The following ZNF285 variants were observed in gnomAD, a reference collection of about 807,000 sequenced individuals.
The protein encoded by ZNF285 is zinc finger protein 285A.
ZNF285 carries 4 observed loss-of-function variants against 6.2 expected under a neutral mutation model. The observed-to-expected ratio is 0.65, with a 90% CI of 0.32 to 1.49. The LOEUF is 1.49. Ranked by LOEUF, ZNF285 falls within the 40% of genes most tolerant of loss-of-function variation. The probability of loss-of-function intolerance (pLI) is 0.07; values close to 1 mark genes in which losing one functional copy is unlikely to be tolerated. For synonymous variants in ZNF285, 240 were observed against 245.8 expected, an observed-to-expected ratio of 0.98 and a Z score of 0.22; for missense variants, 695 against 708.8, an observed-to-expected ratio of 0.98 and a Z score of 0.22.
chr19:44,383,484 A>ATTTATGACAACTTCGTTGTC lies in ZNF285; in HGVS notation c.*2987_*2988insGACAACGAAGTTGTCATAAA, dbSNP rs762377862. The ATTTATGACAACTTCGTTGTC allele has an allele frequency of 1.3e-5, 2 of 152,166 alleles. No homozygotes were observed. Among genetic ancestry groups the ATTTATGACAACTTCGTTGTC allele is most frequent in the Non-Finnish European group, 2.9e-5 (2 of 68,040 alleles). 9.4% of individuals were successfully genotyped at this position (152,166 alleles called of 1,614,324 possible). A position where few individuals can be genotyped will look rare whatever the true frequency, so the allele number is the denominator to read the frequency against. ...GAACTTCGTTGTCTCATCTATGACC[A>ATTTATGACAACTTCGTTGTC]TCATAAAACAGCCAGGCCCAGATGA... is the stretch of plus-strand genomic sequence containing the variant. On this transcript the variant is annotated 3_prime_UTR_variant, in exon 4 of 4. Coordinates refer to ENST00000614994, the MANE Select transcript of ZNF285 (RefSeq NM_152354.6).
rs4479362 is a variant in ZNF285, at chr19:44,392,321, C to T, written c.142+19G>A. On this transcript the variant is annotated intron_variant, in intron 3 of 3. Coordinates refer to ENST00000614994, the MANE Select transcript of ZNF285 (RefSeq NM_152354.6). ...GATTTGAGGAAACAGGTCCAGTGGT[C>T]TCATGCTCAGTTACTCACTCACTAA... The T allele has an allele frequency of 3.7e-6, 6 of 1,613,610 alleles. No individual in the cohort carries two copies. The African/African-American group carries it at 5.3e-5, about 14-fold the overall frequency.
rs1382499546 is a variant in ZNF285 at position 44,386,893 on chromosome 19, G to A, written c.1352C>T (p.Thr451Ile). Reference protein sequence around the residue: ...THLHIHQRVHTGEKPYKCNVC... With the variant: ...THLHIHQRVHIGEKPYKCNVC... Reference sequence around the variant, plus strand: ...ATTGCATTTGTATGGTTTCTCCCCTGTGTGGACTCTCTGGTGAATGTGAAG... The same window carrying A: ...ATTGCATTTGTATGGTTTCTCCCCTATGTGGACTCTCTGGTGAATGTGAAG... The change falls in exon 4 of 4, where the codon ACA becomes ATA. Residue 451 changes from threonine (T) to isoleucine (I), a missense_variant. Transcript: ENST00000614994. The A allele has an allele frequency of 2.5e-6, 4 of 1,614,054 alleles. No individual in the cohort carries two copies. Among genetic ancestry groups the A allele is most frequent in the African/African-American group, 2.7e-5 (2 of 74,934 alleles).
intron 2 of ZNF285, among the ~76,000 whole-genome samples, chr19:44,393,639 C>T (rs1265688934): frequency 5.3e-5 from 8 of 152,244 alleles, no homozygotes; most frequent in Non-Finnish European, 8.8e-5. Context: ...AATTAGATCC[C>T]ATTTGTCAAT....
chr19:44,392,083 G>A, intron 3 of ZNF285: 1 of 1,041,710 alleles, frequency 9.6e-7, no homozygotes, highest in South Asian at 2.9e-5. Context: ...AGTAGGGGAG[G>A]GAGGGCTTAC....
intron 1 of ZNF285, 50 bp from the exon 2 acceptor site, chr19:44,397,306 T>C: frequency 6.3e-7 from 1 of 1,585,336 alleles, no homozygotes; most frequent in Non-Finnish European, 8.7e-7. Context: ...AAGTTGTGAA[T>C]GAACATTGGT....
At chr19:44,391,877 CAGTA>C (rs1272221993) in intron 3 of ZNF285, among the ~76,000 whole-genome samples, 2 of 152,060 alleles carry the variant, frequency 1.3e-5, no homozygotes, top group African/African-American at 4.8e-5. Context: ...TACTACATAC[CAGTA>C]AGTGTTGGCT....
chr19:44,389,507 C>A lies in ZNF285; in HGVS notation c.143-1405G>T, dbSNP rs1971156793. 1.3e-5 allele frequency among the ~76,000 whole-genome samples: 2 copies of A among 152,180 alleles called. 1 individual carries two copies. The highest frequency in any genetic ancestry group is 4.8e-5 in the African/African-American group (2 of 41,418). ...AGCATTATGACTCAGTAGGAATAGG[C>A]ACGAACATCAACAGAGACTGCTCAC... On this transcript the variant is annotated intron_variant, in intron 3 of 3. Coordinates refer to ENST00000614994, the MANE Select transcript of ZNF285 (RefSeq NM_152354.6).
At chr19:44,398,216 C>T (rs1031917007) in intron 1 of ZNF285, among the ~76,000 whole-genome samples, 7 of 152,112 alleles carry the variant, frequency 4.6e-5, no homozygotes, top group African/African-American at 1.7e-4. Flanking sequence ...TCATGGTATA[C>T]TGAACTACAC....
chr19:44,392,114 A>C, intron 3 of ZNF285: 2 of 1,348,684 alleles, frequency 1.5e-6, no homozygotes, highest in Non-Finnish European at 1.9e-6. Context: ...GAATGCCCAC[A>C]GGCCAGGGGT....
chr19:44,400,359 CG>C (rs1399868654), intron 1 of ZNF285, among the ~76,000 whole-genome samples: 1 of 151,462 alleles, frequency 6.6e-6, no homozygotes, highest in Non-Finnish European at 1.5e-5. Flanking sequence ...CCCAGAAACA[CG>C]ATCAGAAATG....
At position 44,387,798 on chromosome 19, in the gene ZNF285, C is replaced by G. The variant is rs200895331; in HGVS notation, c.447G>C (p.Ser149=). Residue 149 remains serine, a synonymous_variant, in exon 4 of 4, where the codon TCG becomes TCC. Transcript: ENST00000614994. ...CGGTCATTATGTTGGCTTTCCTCCA[C>G]GATTCTGGGGTAAGAACCTGTGTCA... is the stretch of plus-strand genomic sequence containing the variant. ...QSLTQVLTPE[S]WRKANIMTEP... 22 of 1,613,826 alleles carry G rather than the reference C, an allele frequency of 1.4e-5. No individual in the cohort carries two copies. The highest frequency in any genetic ancestry group is 1.9e-5 in the Non-Finnish European group (22 of 1,179,856).
intron 1 of ZNF285, among the ~76,000 whole-genome samples, chr19:44,398,026 T>C (rs191594523): frequency 7.9e-5 from 12 of 152,194 alleles, no homozygotes; most frequent in African/African-American, 2.9e-4. Flanking sequence ...TTAGCCAAAA[T>C]ATACAAATTA....
chr19:44,398,630 G>C (rs1317556885), intron 1 of ZNF285, among the ~76,000 whole-genome samples: 1 of 152,050 alleles, frequency 6.6e-6, no homozygotes, highest in Non-Finnish European at 1.5e-5. Flanking sequence ...ATCCTTTGTT[G>C]ATTACCACAG....
In ZNF285 at chr19:44,387,273, G is replaced by A. The variant is rs760130743; in HGVS notation, c.972C>T (p.Gly324=). 4 of 1,614,074 alleles carry A rather than the reference G, an allele frequency of 2.5e-6. No individual in the cohort carries two copies. The highest frequency in any genetic ancestry group is 1.6e-4 in the Middle Eastern group (1 of 6,084). ...TGTGAAGGGAAGAGCTGCGCCTGAAGCCCTTGCCACATTCTTTACATTTGT... is the reference window on the plus strand; with the variant it reads ...TGTGAAGGGAAGAGCTGCGCCTGAAACCCTTGCCACATTCTTTACATTTGT... The part of the protein sequence containing the change: ...KPYKCKECGK[G]FRRSSSLHNH... Residue 324 remains glycine, a synonymous_variant, in exon 4 of 4, where the codon GGC becomes GGT. Coordinates refer to ENST00000614994, the MANE Select transcript of ZNF285 (RefSeq NM_152354.6).
rs1971129851 is a variant in ZNF285, at chr19:44,388,112, G to A, written c.143-10C>T. 1 of 1,604,976 alleles carries A rather than the reference G, an allele frequency of 6.2e-7. No individual in the cohort carries two copies. The highest frequency in any genetic ancestry group is 8.5e-7 in the Non-Finnish European group (1 of 1,175,688). The stretch of plus-strand genomic sequence containing the variant: ...TTTTTAATCCCGTCTCCTAGGAGAA[G>A]AAAGAGAATTTGGCTAAGAGAACAA... On this transcript the variant is annotated splice_polypyrimidine_tract_variant and intron_variant, in intron 3 of 3. Coordinates refer to ENST00000614994, the MANE Select transcript of ZNF285 (RefSeq NM_152354.6).
Position 44,387,666 on chromosome 19 carries a change from A to T in ZNF285, c.579T>A (p.His193Gln), listed in dbSNP as rs902316370. ...CCTCTCCTTTACATTCTTGGGACTC[A>T]TGATGATCACATGAGGTCCAACTGA... is the stretch of plus-strand genomic sequence containing the variant. Reference protein sequence around the residue: ...DSLSWTSCDHHESQECKGEDP... With the variant: ...DSLSWTSCDHQESQECKGEDP... Residue 193 changes from histidine (H) to glutamine (Q), a missense_variant, in exon 4 of 4, where the codon CAT becomes CAA. By Grantham distance (24) the His-to-Gln change is conservative. Transcript: ENST00000614994. The T allele has an allele frequency of 1.1e-5, 17 of 1,613,774 alleles. No homozygotes were observed. In the Admixed American group the frequency reaches 2.2e-4, roughly 21 times the overall value.
At chr19:44,396,789 C>A (rs930789911) in intron 2 of ZNF285, 28 of 196,768 alleles carry the variant, frequency 1.4e-4, no homozygotes, top group African/African-American at 6.5e-4. Flanking sequence ...CAATACATAC[C>A]CATTCAAATC....
Position 44,386,712 on chromosome 19 carries a change from T to A in ZNF285, c.1533A>T (p.Pro511=). 6.2e-7 allele frequency: 1 copy of A among 1,614,192 alleles called. No individual in the cohort carries two copies. The highest frequency in any genetic ancestry group is 8.5e-7 in the Non-Finnish European group (1 of 1,180,018). Residue 511 remains proline (P), a synonymous_variant, in exon 4 of 4, where the codon CCA becomes CCT. Transcript: ENST00000614994. ...LHQRDHIREK[P]YKCDECGKGF... ...CTTTACCACACTCATCACATTTATA[T>A]GGTTTCTCTCTGATGTGATCTCTTT...
At chr19:44,388,672 T>A (rs1172492212) in intron 3 of ZNF285, among the ~76,000 whole-genome samples, 3 of 150,692 alleles carry the variant, frequency 2.0e-5, no homozygotes, top group African/African-American at 7.5e-5. Context: ...AAGCCTTTAA[T>A]AATCTTGCTA....
Sources: allele counts gnomAD v4.1 joint callset (sites outside exome capture counted in the v4.1 genomes callset), GRCh38; gene constraint gnomAD v4.1.1; transcripts MANE v1.5; gene names NCBI Gene and HGNC (gene_info 2026-07-23, HGNC 2026-07-21).